The following SLC9A6 variants were observed in gnomAD, a reference collection of about 807,000 sequenced individuals.
SLC9A6 encodes solute carrier family 9 member A6, also known as sodium/hydrogen exchanger 6.
SLC9A6 carries 6 observed loss-of-function variants against 45.3 expected under a neutral mutation model. The ratio of observed to expected loss-of-function variants is 0.13; its 90% CI spans 0.07 to 0.26. The LOEUF is 0.26. Among genes scored for constraint, SLC9A6 ranks in the 10% least tolerant of loss-of-function variants. The pLI is 1.00. For missense variants in SLC9A6, 278 were observed against 503.7 expected, an observed-to-expected ratio of 0.55 and a Z score of 4.29; for synonymous variants, 191 against 187.7, an observed-to-expected ratio of 1.02 and a Z score of -0.14.
intron 15 of SLC9A6, 177 bp from the exon 16 acceptor site, chrX:136,033,236 AC>A (rs1556621370): frequency 3.4e-6 from 1 of 297,282 alleles, no homozygotes; most frequent in African/African-American, 2.8e-5. Context: ...GTTCAGAAAA[AC>A]ATTTCAATTT....
chrX:135,991,312 C>T (rs1249615084), intron 2 of SLC9A6, among the ~76,000 whole-genome samples: 2 of 107,149 alleles, frequency 1.9e-5, no homozygotes, highest in African/African-American at 3.4e-5. Flanking sequence ...GGCTGGAGTG[C>T]GGTGGCATGA....
intron 11 of SLC9A6, among the ~76,000 whole-genome samples, chrX:136,019,873 G>A (rs1158188841): frequency 2.7e-5 from 3 of 111,864 alleles, no homozygotes; most frequent in African/African-American, 9.8e-5. Context: ...TGTCCCCTTA[G>A]GCTCTGCCTG....
At chrX:135,990,234 C>T (rs1406955684) in intron 2 of SLC9A6, among the ~76,000 whole-genome samples, 1 of 111,788 alleles carries the variant, frequency 8.9e-6, no homozygotes, top group Non-Finnish European at 1.9e-5. Flanking sequence ...GATCCACCCA[C>T]CTCGGCCTCC....
intron 12 of SLC9A6, among the ~76,000 whole-genome samples, chrX:136,023,660 C>T (rs2071177324): frequency 1.8e-5 from 2 of 109,630 alleles, no homozygotes; most frequent in South Asian, 3.9e-4. Flanking sequence ...AGAGGTTAGA[C>T]TAAAAAAGGG....
chrX:136,013,421 A>G lies in SLC9A6; in HGVS notation c.1064A>G (p.Gln355Arg). The G allele has an allele frequency of 8.4e-7, 1 of 1,192,318 alleles. No homozygotes were observed. Among genetic ancestry groups the G allele is most frequent in the Non-Finnish European group, 1.1e-6 (1 of 878,081 alleles). ...TATAATAATTTGTCCACGGAGTCTC[A>G]GCATAGAACTAAACAGGTAAGAGGA... ...YTYNNLSTES[Q>R]HRTKQLFELL... Residue 355 changes from glutamine (Q) to arginine (R), a missense_variant, in exon 10 of 18, where the codon CAG (glutamine) becomes CGG (arginine). By Grantham distance (43) the Gln-to-Arg change is conservative. Coordinates refer to ENST00000630721, the MANE Select transcript of SLC9A6 (RefSeq NM_001379110.1).
chrX:136,033,169 T>C, intron 15 of SLC9A6: 1 of 241,087 alleles, frequency 4.1e-6, no homozygotes, highest in Non-Finnish European at 7.7e-6. Context: ...GCCCCCACAT[T>C]GATTTTTTAA....
chrX:135,985,414 C>T, upstream of SLC9A6: 1 of 636,987 alleles, frequency 1.6e-6, no homozygotes, highest in Non-Finnish European at 2.1e-6. Flanking sequence ...CGGCTACCCC[C>T]GGGCCCCGCC....
At chrX:136,010,061 T>G in intron 7 of SLC9A6, 1 of 160,765 alleles carries the variant, frequency 6.2e-6, no homozygotes, top group Non-Finnish European at 1.2e-5. Flanking sequence ...TGGAAACAAG[T>G]GGGATTTTTC....
At chrX:136,033,328 T>C in intron 15 of SLC9A6, 86 bp from the exon 16 acceptor site, 1 of 576,453 alleles carries the variant, frequency 1.7e-6, no homozygotes, top group Non-Finnish European at 2.9e-6. Flanking sequence ...TATAGTAGCC[T>C]CTATTTCTGA....
intron 7 of SLC9A6, chrX:136,010,228 C>G (rs190464119): frequency 0.046 from 14,325 of 313,647 alleles, 659 homozygotes; most frequent in South Asian, 0.12. Flanking sequence ...TGTTCTACCC[C>G]CCCCCCGAAA....
At chrX:136,022,736 C>G in intron 12 of SLC9A6, 39 bp downstream of exon 12, 1 of 865,122 alleles carries the variant, frequency 1.2e-6, no homozygotes. Flanking sequence ...CTTCAAGCAA[C>G]CATTCACAAT....
chrX:135,984,877 TATATC>T (rs1460402508), upstream of SLC9A6, among the ~76,000 whole-genome samples: 1 of 111,675 alleles, frequency 9.0e-6, no homozygotes, highest in Admixed American at 9.5e-5. Flanking sequence ...AGAGATGACT[TATATC>T]AGATGTTTAC....
chrX:135,974,754 C>A (rs782807382), exon 1 of SLC9A6: 3 of 338,008 alleles, frequency 8.9e-6, no homozygotes, highest in African/African-American at 8.0e-5. Flanking sequence ...ATACTTGGCT[C>A]GCGGGAAGTG....
Position 135,985,493 on chromosome X carries a change from G to A in SLC9A6, c.-57+16G>A, listed in dbSNP as rs782525200. 4 of 1,079,928 alleles carry A rather than the reference G, an allele frequency of 3.7e-6. No homozygotes were observed. Among genetic ancestry groups the A allele is most frequent in the South Asian group, 2.3e-5 (1 of 42,844 alleles). 89.0% of individuals were successfully genotyped at this position (1,079,928 alleles called of 1,213,427 possible). On this transcript the variant is annotated intron_variant, in intron 1 of 17. Transcript: ENST00000630721. ...CGCCGGTGAGGTAGGGGCGGGAGGC[G>A]GGGGGAGACATGGCTCGGCGCGGCT...
intron 1 of SLC9A6, among the ~76,000 whole-genome samples, chrX:135,978,464 C>G (rs1556613606): frequency 3.6e-5 from 4 of 111,236 alleles, no homozygotes; most frequent in Non-Finnish European, 7.5e-5. Flanking sequence ...CCAGCCTAGC[C>G]AACATGGTGA....
At chrX:136,024,296 T>A (rs1556620319) in intron 12 of SLC9A6, 34 bp from the exon 13 acceptor site, 1 of 1,201,935 alleles carries the variant, frequency 8.3e-7, no homozygotes, top group African/African-American at 1.7e-5. Context: ...TGGTAATGAG[T>A]TATTGAAGAA....
chrX:135,987,050 T>C (rs1216503694), intron 2 of SLC9A6, among the ~76,000 whole-genome samples: 12 of 111,299 alleles, frequency 1.1e-4, no homozygotes, highest in Non-Finnish European at 2.3e-4. Flanking sequence ...TGTGCATCTC[T>C]CAAGGATAGC....
intron 17 of SLC9A6, among the ~76,000 whole-genome samples, chrX:136,040,892 C>T (rs1249808062): frequency 3.6e-5 from 4 of 111,955 alleles, no homozygotes; most frequent in African/African-American, 9.8e-5. Flanking sequence ...GAGGCCGAGG[C>T]GGCAGATCAC....
rs1556616980 is a variant in SLC9A6, at chrX:135,998,859, A to G, written c.528A>G (p.Ser176=). The stretch of plus-strand genomic sequence containing the variant: ...TAGGACTGTGTTTATTGAACAGGTC[A>G]ATAATGTATGGCTGTGTAACGCTGA... ...GTAISCFVIG[S]IMYGCVTLMK... Residue 176 remains serine (S), a synonymous_variant, in exon 6 of 18, where the codon TCA becomes TCG. Coordinates refer to ENST00000630721, the MANE Select transcript of SLC9A6 (RefSeq NM_001379110.1). The G allele has an allele frequency of 2.5e-6, 3 of 1,184,458 alleles. No homozygotes were observed. The highest frequency in any genetic ancestry group is 3.4e-6 in the Non-Finnish European group (3 of 870,488).
Sources: allele counts gnomAD v4.1 joint callset (sites outside exome capture counted in the v4.1 genomes callset), GRCh38; gene constraint gnomAD v4.1.1; transcripts MANE v1.5; gene names NCBI Gene and HGNC (gene_info 2026-07-23, HGNC 2026-07-21).